The following NT5E variants were observed in gnomAD, a reference collection of about 807,000 sequenced individuals.
NT5E encodes 5'-nucleotidase.
NT5E carries 53 observed loss-of-function variants against 55.1 expected under a neutral mutation model. The ratio of observed to expected loss-of-function variants is 0.96; its 90% confidence interval spans 0.77 to 1.21. The LOEUF (loss-of-function observed/expected upper bound fraction) is 1.21, where lower values mean the gene tolerates loss of function less well. Among genes scored for constraint, NT5E ranks in the 50% most tolerant of loss-of-function variants. The pLI, the probability that NT5E is intolerant of heterozygous loss-of-function variation, is 0.00. For synonymous variants in NT5E, 270 were observed against 278.4 expected (o/e 0.97, Z 0.30); for missense variants, 683 against 724.3 (o/e 0.94, Z 0.65).
intron 1 of NT5E, among the ~76,000 whole-genome samples, chr6:85,463,446 A>T (rs1769132582): frequency 6.6e-6 from 1 of 152,240 alleles, no homozygotes; most frequent in Non-Finnish European, 1.5e-5. Context: ...ATTTAGGGTC[A>T]TAGAAATCAC....
chr6:85,464,535 C>T (rs571171415), intron 1 of NT5E, among the ~76,000 whole-genome samples: 149 of 152,132 alleles, frequency 9.8e-4, no homozygotes, highest in Non-Finnish European at 1.5e-3. Context: ...AGGAATGAGG[C>T]TGGAGGGGAA....
chr6:85,488,683 C>T (rs1183503520), intron 5 of NT5E, among the ~76,000 whole-genome samples: 2 of 152,080 alleles, frequency 1.3e-5, no homozygotes, highest in South Asian at 2.1e-4. Context: ...TGGGTTCAAG[C>T]GATTCTCCTG....
In NT5E at chr6:85,471,337, G is replaced by C; in HGVS notation, c.663G>C (p.Ser221=). Residue 221 remains serine, a synonymous_variant, in exon 3 of 9, where the codon TCG becomes TCC. Transcript: ENST00000257770. ...NVNKIIALGH[S]GFEMDKLIAQ... is the part of the protein sequence containing the mutation. ...ACAAAATTATTGCACTGGGACATTC[G>C]GGTTTTGAAATGGATAAACTCATCG... 1 of 1,613,130 alleles carries C rather than the reference G, an allele frequency of 6.2e-7. No homozygotes were observed. Among genetic ancestry groups the C allele is most frequent in the Non-Finnish European group, 8.5e-7 (1 of 1,179,372 alleles).
At chr6:85,475,168 G>A (rs1386842087) in intron 3 of NT5E, among the ~76,000 whole-genome samples, 1 of 152,140 alleles carries the variant, frequency 6.6e-6, no homozygotes. Flanking sequence ...AACCATTTCT[G>A]CACGCACAGT....
At position 85,493,914 on chromosome 6, in the gene NT5E, G is replaced by A. The variant is rs777326142; in HGVS notation, c.1635G>A (p.Arg545=). ...MKVIYPAVEG[R]IKFSTGSHCH... ...TAATTTATCCAGCAGTTGAAGGTCG[G>A]ATCAAGTTTTCCACAGGAAGTCACT... Residue 545 remains arginine (R), a synonymous_variant, in exon 9 of 9, where the codon CGG becomes CGA. Coordinates refer to ENST00000257770, the MANE Select transcript of NT5E (RefSeq NM_002526.4). 4 of 1,614,014 alleles carry A rather than the reference G, an allele frequency of 2.5e-6. No individual in the cohort carries two copies. The highest frequency in any genetic ancestry group is 2.5e-6 in the Non-Finnish European group (3 of 1,179,938).
rs1250970075 is a variant in NT5E at position 85,487,322 on chromosome 6, T to C, written c.950-13T>C. The stretch of plus-strand genomic sequence containing the variant: ...AGATTTAATTGTAGGGTACCTTCTT[T>C]TCTTTCTTCTAGATCCAAGCATAAA... On this transcript the variant is annotated splice_polypyrimidine_tract_variant and intron_variant, in intron 4 of 8. Coordinates refer to ENST00000257770, the MANE Select transcript of NT5E (RefSeq NM_002526.4). 26 of 1,610,906 alleles carry C rather than the reference T, an allele frequency of 1.6e-5. No individual in the cohort carries two copies. The Admixed American group carries it at 4.3e-4, about 27-fold the overall frequency.
intron 2 of NT5E, 110 bp downstream of exon 2, chr6:85,467,392 T>C: frequency 1.2e-6 from 1 of 868,030 alleles, no homozygotes; most frequent in South Asian, 1.4e-5. Context: ...GGGTAAATAG[T>C]GCACTAGAAT....
chr6:85,478,947 T>A (rs193152001), intron 3 of NT5E, among the ~76,000 whole-genome samples: 1 of 152,226 alleles, frequency 6.6e-6, no homozygotes, highest in Non-Finnish European at 1.5e-5. Flanking sequence ...TGGCTTCTCC[T>A]TAAAATGTAT....
At chr6:85,487,989 A>G (rs1769702159) in intron 5 of NT5E, among the ~76,000 whole-genome samples, 1 of 152,228 alleles carries the variant, frequency 6.6e-6, no homozygotes, top group Non-Finnish European at 1.5e-5. Flanking sequence ...GGAGATATCA[A>G]CATAATAGAT....
chr6:85,463,002 A>G lies in NT5E; in HGVS notation c.340-4058A>G, dbSNP rs183426558. 1.5e-3 allele frequency among the ~76,000 whole-genome samples: 231 copies of G among 152,286 alleles called. 1 individual carries two copies. Among genetic ancestry groups the G allele is most frequent in the African/African-American group, 5.2e-3 (217 of 41,554 alleles). On this transcript the variant is annotated intron_variant, in intron 1 of 8. Coordinates refer to ENST00000257770, the MANE Select transcript of NT5E (RefSeq NM_002526.4). ...TTACTGGCACTTGTTTGTGAATGAA[A>G]CAATTTTTTTGAGAGTTTGTTAATT...
At position 85,450,408 on chromosome 6, in the gene NT5E, C is replaced by T; in HGVS notation, c.269C>T (p.Thr90Ile). ...GACGCCGGCGACCAGTACCAGGGCACTATCTGGTTCACCGTGTACAAGGGC... is the reference window on the plus strand; with the variant it reads ...GACGCCGGCGACCAGTACCAGGGCATTATCTGGTTCACCGTGTACAAGGGC... ...LLDAGDQYQG[T>I]IWFTVYKGAE... The change falls in exon 1 of 9, where the codon ACT becomes ATT. Residue 90 changes from threonine (T) to isoleucine (I), a missense_variant. Physicochemically the swap from Thr to Ile is moderately conservative, Grantham distance 89 (BLOSUM62 -1). Transcript: ENST00000257770. This position sits in a 1 kb window ranked among gnomAD's most constrained non-coding sequence, Gnocchi z 4.0. The T allele has an allele frequency of 6.2e-7, 1 of 1,603,132 alleles. No homozygotes were observed. The highest frequency in any genetic ancestry group is 1.1e-5 in the South Asian group (1 of 88,626).
At chr6:85,457,601 T>G (rs140043603) in intron 1 of NT5E, among the ~76,000 whole-genome samples, 1 of 152,330 alleles carries the variant, frequency 6.6e-6, no homozygotes, top group East Asian at 1.9e-4. Context: ...GGCCACTGTT[T>G]GCAGGTGAAG....
At chr6:85,489,056 CAT>C (rs1258824532) in intron 5 of NT5E, among the ~76,000 whole-genome samples, 11 of 152,312 alleles carry the variant, frequency 7.2e-5, no homozygotes, top group African/African-American at 2.6e-4. Context: ...CAGCTGCAGA[CAT>C]AGACGTGGAG....
At chr6:85,491,316 T>C in intron 7 of NT5E, 1 of 335,454 alleles carries the variant, frequency 3.0e-6, no homozygotes, top group Non-Finnish European at 5.9e-6. Flanking sequence ...AATCTTATTT[T>C]ACCTGGAAAT....
Position 85,479,829 on chromosome 6 carries a change from C to T in NT5E, c.752-5406C>T, listed in dbSNP as rs75142102. Among the ~76,000 whole-genome samples, 1,469 of 152,056 alleles carry T rather than the reference C, an allele frequency of 9.7e-3. 20 individuals are homozygous for T. The highest frequency in any genetic ancestry group is 0.033 in the African/African-American group (1,377 of 41,444). Reference sequence around the variant, plus strand: ...ATAGAACCAGAAGGTAGCTGTGTTTCGATTATTTTTGTTTTCTTATTTTTA... The same window carrying T: ...ATAGAACCAGAAGGTAGCTGTGTTTTGATTATTTTTGTTTTCTTATTTTTA... On this transcript the variant is annotated intron_variant, in intron 3 of 8. Coordinates refer to ENST00000257770, the MANE Select transcript of NT5E (RefSeq NM_002526.4).
At chr6:85,483,071 A>G (rs1379109976) in intron 3 of NT5E, among the ~76,000 whole-genome samples, 1 of 152,238 alleles carries the variant, frequency 6.6e-6, no homozygotes, top group African/African-American at 2.4e-5. Context: ...TTTGCATAGT[A>G]GTGCATACTG....
chr6:85,483,866 G>A (rs1470886876), intron 3 of NT5E, among the ~76,000 whole-genome samples: 1 of 151,856 alleles, frequency 6.6e-6, no homozygotes, highest in African/African-American at 2.4e-5. Flanking sequence ...CAGACTTTAG[G>A]GGAAAAAAAA....
In NT5E at chr6:85,490,431, C is replaced by A. The variant is rs41271619; in HGVS notation, c.1211-77C>A. The A allele has an allele frequency of 2.1e-5, 32 of 1,527,312 alleles. No individual in the cohort carries two copies. In the Admixed American group the frequency reaches 3.0e-4, roughly 14 times the overall value. 94.6% of individuals were successfully genotyped at this position (1,527,312 alleles called of 1,614,324 possible). ...ATGTCCCCCTCATTTCTTCCCCCAG[C>A]GCTGAGGGAAACTGGTCATGGTGTA... is the stretch of plus-strand genomic sequence containing the variant. On this transcript the variant is annotated intron_variant, in intron 6 of 8. Coordinates refer to ENST00000257770, the MANE Select transcript of NT5E (RefSeq NM_002526.4).
At chr6:85,476,702 A>C (rs542447008) in intron 3 of NT5E, among the ~76,000 whole-genome samples, 6 of 152,190 alleles carry the variant, frequency 3.9e-5, no homozygotes, top group Admixed American at 2.0e-4. Context: ...TGGGATGGGG[A>C]GCTGGAAAGG....
Sources: allele counts gnomAD v4.1 joint callset (sites outside exome capture counted in the v4.1 genomes callset), GRCh38; gene constraint gnomAD v4.1.1; non-coding constraint Gnocchi (gnomAD v3.1); transcripts MANE v1.5; gene names NCBI Gene and HGNC (gene_info 2026-07-23, HGNC 2026-07-21).